The following GULP1 variants were observed in gnomAD, a reference collection of about 807,000 sequenced individuals.
The protein encoded by GULP1 is GULP PTB domain containing engulfment adaptor 1, also known as PTB domain-containing engulfment adapter protein 1.
Under a neutral mutation model 40.9 loss-of-function variants are expected in GULP1, and 19 were observed. The ratio of observed to expected loss-of-function variants is 0.46; its 90% CI spans 0.32 to 0.68. The LOEUF is 0.68. Among genes scored for constraint, GULP1 ranks in the 30% least tolerant of loss-of-function variants. The probability of loss-of-function intolerance (pLI) is 0.03; values close to 1 mark genes in which losing one functional copy is unlikely to be tolerated. For synonymous variants in GULP1, 119 were observed against 117.6 expected (o/e 1.01, Z -0.08); for missense variants, 312 against 362.2 (o/e 0.86, Z 1.12).
intron 1 of GULP1, among the ~76,000 whole-genome samples, chr2:188,347,259 G>C (rs992185052): frequency 4.6e-5 from 7 of 152,138 alleles, no homozygotes; most frequent in African/African-American, 1.7e-4. Flanking sequence ...AAGAAGTTAA[G>C]TAACTTATTC....
At chr2:188,497,878 T>A (rs1479787843) in intron 4 of GULP1, among the ~76,000 whole-genome samples, 1 of 151,992 alleles carries the variant, frequency 6.6e-6, no homozygotes, top group African/African-American at 2.4e-5. Flanking sequence ...TCTAGGGTCC[T>A]TTGTTAGTCA....
intron 1 of GULP1, among the ~76,000 whole-genome samples, chr2:188,361,209 T>G (rs2046034709): frequency 6.6e-6 from 1 of 152,092 alleles, no homozygotes; most frequent in African/African-American, 2.4e-5. Flanking sequence ...GTCCCAGGCT[T>G]CTTTTTATCT....
chr2:188,310,333 A>G (rs1264581689), intron 1 of GULP1, among the ~76,000 whole-genome samples: 3 of 152,224 alleles, frequency 2.0e-5, no homozygotes, highest in Non-Finnish European at 4.4e-5. Flanking sequence ...AATAGTCTCG[A>G]TTAGAGAAGA....
At chr2:188,450,427 G>A (rs1263314371) in intron 2 of GULP1, among the ~76,000 whole-genome samples, 1 of 152,016 alleles carries the variant, frequency 6.6e-6, no homozygotes, top group Non-Finnish European at 1.5e-5. Flanking sequence ...TGAAATAGGG[G>A]AATAATAGTT....
At chr2:188,458,667 T>C (rs2059462936) in intron 2 of GULP1, among the ~76,000 whole-genome samples, 1 of 152,186 alleles carries the variant, frequency 6.6e-6, no homozygotes, top group Admixed American at 6.5e-5. Flanking sequence ...CATTTATTCT[T>C]AGTGTTAGAA....
intron 2 of GULP1, among the ~76,000 whole-genome samples, chr2:188,457,604 A>G (rs895835783): frequency 3.9e-5 from 6 of 152,222 alleles, no homozygotes; most frequent in Non-Finnish European, 7.3e-5. Context: ...AAATGGACTA[A>G]TACAGTACAA....
intron 9 of GULP1, among the ~76,000 whole-genome samples, chr2:188,581,388 A>T (rs1254002247): frequency 6.6e-6 from 1 of 152,144 alleles, no homozygotes; most frequent in Non-Finnish European, 1.5e-5. Flanking sequence ...TTCCTTGGGG[A>T]AAATGGAGCA....
intron 2 of GULP1, among the ~76,000 whole-genome samples, chr2:188,475,699 C>A (rs187222712): frequency 6.6e-6 from 1 of 151,864 alleles, no homozygotes; most frequent in African/African-American, 2.4e-5. Context: ...TCTTTTTCTA[C>A]TAGTTTATTT....
chr2:188,507,030 C>G (rs1434342313), intron 4 of GULP1, among the ~76,000 whole-genome samples: 1 of 151,778 alleles, frequency 6.6e-6, no homozygotes, highest in Non-Finnish European at 1.5e-5. Context: ...CTGCATTTGC[C>G]CTAGGCTTTT....
In GULP1 at chr2:188,338,847, C is replaced by T. The variant is rs529491978; in HGVS notation, c.-171-44916C>T. On this transcript the variant is annotated intron_variant, in intron 1 of 11. Coordinates refer to ENST00000409830, the MANE Select transcript of GULP1 (RefSeq NM_016315.4). ...AAAGGTAGCTACTTCTCTAAAATGA[C>T]TTTCCATTTTCACCTCTTTGGCTAC... 2.0e-5 allele frequency among the ~76,000 whole-genome samples: 3 copies of T among 152,286 alleles called. No individual in the cohort carries two copies. In the East Asian group the frequency reaches 5.8e-4, roughly 29 times the overall value.
chr2:188,294,862 C>T (rs1559079388), intron 1 of GULP1, among the ~76,000 whole-genome samples: 2 of 152,184 alleles, frequency 1.3e-5, no homozygotes, highest in African/African-American at 4.8e-5. Context: ...TCAGCTGACT[C>T]AGTTGAGTTT....
intron 11 of GULP1, chr2:188,592,983 T>C (rs1488953728): frequency 6.6e-6 from 1 of 152,054 alleles, no homozygotes; most frequent in Non-Finnish European, 1.5e-5. Context: ...AAATTACCTT[T>C]CTGAAACATT....
At chr2:188,371,314 A>G (rs968856312) in intron 1 of GULP1, among the ~76,000 whole-genome samples, 3 of 152,200 alleles carry the variant, frequency 2.0e-5, no homozygotes, top group Admixed American at 6.5e-5. Context: ...AACACATTCT[A>G]CAATGAATGA....
chr2:188,364,766 C>T (rs1038445586), intron 1 of GULP1, among the ~76,000 whole-genome samples: 1 of 147,398 alleles, frequency 6.8e-6, no homozygotes, highest in Non-Finnish European at 1.5e-5. Flanking sequence ...TACATATATA[C>T]ATATATACAT....
intron 1 of GULP1, among the ~76,000 whole-genome samples, chr2:188,361,690 A>G (rs1041345580): frequency 6.6e-6 from 1 of 151,970 alleles, no homozygotes; most frequent in Non-Finnish European, 1.5e-5. Context: ...ATGAGAAGAA[A>G]ACTTTGTTGG....
chr2:188,386,472 T>C (rs556568435), intron 2 of GULP1, among the ~76,000 whole-genome samples: 10 of 152,328 alleles, frequency 6.6e-5, no homozygotes, highest in African/African-American at 2.2e-4. Flanking sequence ...TATTATTGTG[T>C]AACAAATTTG....
chr2:188,390,426 C>G (rs1559183487), intron 2 of GULP1, among the ~76,000 whole-genome samples: 1 of 152,018 alleles, frequency 6.6e-6, no homozygotes, highest in Admixed American at 6.6e-5. Context: ...TGAGAAATAT[C>G]TATTTATGTC....
chr2:188,432,027 C>T (rs1373775630), intron 2 of GULP1, among the ~76,000 whole-genome samples: 1 of 150,632 alleles, frequency 6.6e-6, no homozygotes, highest in Non-Finnish European at 1.5e-5. Flanking sequence ...ACTTGATATA[C>T]AGAATTATAT....
intron 7 of GULP1, among the ~76,000 whole-genome samples, chr2:188,549,772 A>C (rs1692968169): frequency 6.6e-6 from 1 of 151,848 alleles, no homozygotes; most frequent in African/African-American, 2.4e-5. Flanking sequence ...ATAAAAAGGC[A>C]TGAACTATTA....
Sources: gnomAD v4.1 joint callset for allele counts (sites outside exome capture counted in the v4.1 genomes callset) on GRCh38, gnomAD v4.1.1 for gene constraint, MANE v1.5 for transcripts, NCBI Gene and HGNC (gene_info 2026-07-23, HGNC 2026-07-21) for gene names.